Variants in GPC5 observed in about 807,000 individuals in gnomAD.
The protein encoded by GPC5 is glypican 5.
Under a neutral mutation model 53.9 loss-of-function variants are expected in GPC5, and 47 were observed. The observed-to-expected ratio is 0.87, with a 90% CI of 0.69 to 1.11. The LOEUF is 1.11. GPC5 is among the 50% of genes most tolerant of loss of function. GPC5 has a pLI of 0.00. For missense variants in GPC5, 748 were observed against 713.1 expected (o/e 1.05, Z -0.56); for synonymous variants, 286 against 263.3 (o/e 1.09, Z -0.84).
chr13:91,639,991 T>C (rs1389527040), intron 2 of GPC5, among the ~76,000 whole-genome samples: 1 of 152,266 alleles, frequency 6.6e-6, no homozygotes, highest in East Asian at 1.9e-4. Flanking sequence ...TGTCCCTGTG[T>C]TGCTATATTT....
chr13:92,756,378 T>C (rs1384724739), intron 7 of GPC5, among the ~76,000 whole-genome samples: 1 of 151,992 alleles, frequency 6.6e-6, no homozygotes, highest in African/African-American at 2.4e-5. Context: ...AATATCATAC[T>C]GAATGGACAA....
chr13:92,479,021 C>T (rs750889988), intron 7 of GPC5, among the ~76,000 whole-genome samples: 34 of 152,132 alleles, frequency 2.2e-4, no homozygotes, highest in Non-Finnish European at 4.0e-4. Context: ...CTAAGAATAT[C>T]GTCATTAGGC....
intron 7 of GPC5, among the ~76,000 whole-genome samples, chr13:92,245,157 A>G (rs2042641330): frequency 6.6e-6 from 1 of 151,882 alleles, no homozygotes; most frequent in Admixed American, 6.6e-5. Context: ...TCTTTGAGCT[A>G]CTTCCACCTT....
At chr13:92,008,214 T>G (rs868841260) in intron 6 of GPC5, among the ~76,000 whole-genome samples, 1 of 151,922 alleles carries the variant, frequency 6.6e-6, no homozygotes, top group African/African-American at 2.4e-5. Flanking sequence ...AGGCGCCCGC[T>G]ACCACGCCCG....
At chr13:92,173,694 A>G (rs149905242) in intron 7 of GPC5, among the ~76,000 whole-genome samples, 68 of 152,330 alleles carry the variant, frequency 4.5e-4, no homozygotes, top group Non-Finnish European at 6.9e-4. Context: ...CTCACATTCT[A>G]TAGTATATAA....
chr13:91,634,792 T>G (rs1157627851), intron 2 of GPC5, among the ~76,000 whole-genome samples: 18 of 152,054 alleles, frequency 1.2e-4, no homozygotes, highest in Admixed American at 1.1e-3. Flanking sequence ...GTAGATTACA[T>G]TGTTAAAAAA....
At chr13:91,601,743 C>G (rs1453488583) in intron 2 of GPC5, among the ~76,000 whole-genome samples, 4 of 152,166 alleles carry the variant, frequency 2.6e-5, no homozygotes, top group Non-Finnish European at 5.9e-5. Context: ...TGCAGGAAAA[C>G]AAGCTCAGGG....
chr13:92,571,677 T>A (rs547844368), intron 7 of GPC5, among the ~76,000 whole-genome samples: 1 of 152,132 alleles, frequency 6.6e-6, no homozygotes, highest in Non-Finnish European at 1.5e-5. Context: ...ATTAATCCAA[T>A]AAAATATAAA....
At chr13:91,511,377 T>C (rs916295185) in intron 2 of GPC5, among the ~76,000 whole-genome samples, 1 of 152,218 alleles carries the variant, frequency 6.6e-6, no homozygotes, top group Non-Finnish European at 1.5e-5. Context: ...CTTAATTTTA[T>C]GGCTGATATT....
chr13:92,000,371 A>G (rs1230004695), intron 6 of GPC5, among the ~76,000 whole-genome samples: 1 of 152,136 alleles, frequency 6.6e-6, no homozygotes, highest in East Asian at 1.9e-4. Context: ...AAATAAATAT[A>G]TATCATTCTT....
intron 7 of GPC5, among the ~76,000 whole-genome samples, chr13:92,769,564 C>A (rs983604524): frequency 6.6e-6 from 1 of 152,048 alleles, no homozygotes; most frequent in African/African-American, 2.4e-5. Flanking sequence ...ATGGTGAGCT[C>A]CACCTCACCC....
At chr13:92,608,040 C>A (rs1884311826) in intron 7 of GPC5, among the ~76,000 whole-genome samples, 2 of 152,076 alleles carry the variant, frequency 1.3e-5, no homozygotes, top group African/African-American at 4.8e-5. Context: ...TTTCTTTTCT[C>A]TAGCTTACTT....
In GPC5 at chr13:91,795,482, A is replaced by G. The variant is rs571014610; in HGVS notation, c.1280+39062A>G. ...TTTATTGCTGTTTCTTGGCATATCT[A>G]TTTTAGCCATGATTTGTTGATTGCT... On this transcript the variant is annotated intron_variant, in intron 5 of 7. Coordinates refer to ENST00000377067, the MANE Select transcript of GPC5 (RefSeq NM_004466.6). Among the ~76,000 whole-genome samples the G allele has an allele frequency of 4.6e-5, 7 of 152,302 alleles. No individual in the cohort carries two copies. In the South Asian group the frequency reaches 1.5e-3, roughly 32 times the overall value.
At chr13:91,470,049 TAAC>T (rs1314659725) in intron 2 of GPC5, among the ~76,000 whole-genome samples, 1 of 151,890 alleles carries the variant, frequency 6.6e-6, no homozygotes, top group East Asian at 1.9e-4. Flanking sequence ...AAAACAACAA[TAAC>T]AACAACAAAC....
At chr13:92,369,716 G>T (rs573628395) in intron 7 of GPC5, among the ~76,000 whole-genome samples, 1 of 152,194 alleles carries the variant, frequency 6.6e-6, no homozygotes, top group African/African-American at 2.4e-5. Flanking sequence ...ATGCTTGCAG[G>T]TTACTGCCTA....
intron 6 of GPC5, among the ~76,000 whole-genome samples, chr13:91,977,273 C>T (rs1227444014): frequency 6.6e-6 from 1 of 152,068 alleles, no homozygotes; most frequent in African/African-American, 2.4e-5. Context: ...TTTCTTAGCT[C>T]ATCATTTTAA....
At chr13:91,454,142 TA>T (rs1881377039) in intron 2 of GPC5, among the ~76,000 whole-genome samples, 2 of 152,046 alleles carry the variant, frequency 1.3e-5, no homozygotes, top group Admixed American at 6.6e-5. Flanking sequence ...TCTGCAATGT[TA>T]AAAATTGTTT....
At chr13:92,385,777 A>ATGTG (rs1566568281) in intron 7 of GPC5, among the ~76,000 whole-genome samples, 1 of 27,130 alleles carries the variant, frequency 3.7e-5, no homozygotes, top group African/African-American at 2.1e-4. Context: ...GTATATATAC[A>ATGTG]TATATGTATA....
intron 7 of GPC5, among the ~76,000 whole-genome samples, chr13:92,517,556 T>G (rs577501238): frequency 6.6e-6 from 1 of 152,280 alleles, no homozygotes; most frequent in South Asian, 2.1e-4. Context: ...CTGCTGCTGA[T>G]ACCCAGGCAA....
Sources: allele counts gnomAD v4.1 joint callset (sites outside exome capture counted in the v4.1 genomes callset), GRCh38; gene constraint gnomAD v4.1.1; transcripts MANE v1.5; gene names NCBI Gene and HGNC (gene_info 2026-07-23, HGNC 2026-07-21).